MYOM2: variants seen among roughly 807,000 people sequenced by gnomAD.
MYOM2 encodes myomesin-2.
In MYOM2, 254 loss-of-function variants were observed where a neutral mutation model predicts 187.6. The ratio of observed to expected loss-of-function variants is 1.35; its 90% CI spans 1.22 to 1.50. The LOEUF is 1.50. MYOM2 is among the 40% of genes most tolerant of loss of function. The probability of loss-of-function intolerance (pLI) is 0.00; values close to 1 mark genes in which losing one functional copy is unlikely to be tolerated. For missense variants in MYOM2, 2,796 were observed against 1,924.0 expected (o/e 1.45, Z -8.48); for synonymous variants, 981 against 753.8 (o/e 1.30, Z -4.94).
intron 16 of MYOM2, among the ~76,000 whole-genome samples, chr8:2,093,276 C>T (rs1490077175): frequency 6.6e-6 from 1 of 152,150 alleles, no homozygotes; most frequent in Non-Finnish European, 1.5e-5. Flanking sequence ...ACAGCAAATG[C>T]AGAAAGATCG....
chr8:2,133,878 C>G (rs1026322930), intron 32 of MYOM2, among the ~76,000 whole-genome samples: 1 of 151,806 alleles, frequency 6.6e-6, no homozygotes, highest in Non-Finnish European at 1.5e-5. Flanking sequence ...AAATCGTTCA[C>G]TGTGAAATAA....
chr8:2,138,401 G>T (rs1015830210), intron 32 of MYOM2, among the ~76,000 whole-genome samples: 2 of 152,294 alleles, frequency 1.3e-5, no homozygotes, highest in East Asian at 1.9e-4. Flanking sequence ...GTCAGCCTTC[G>T]TGAGGCTCCC....
At chr8:2,061,771 T>G (rs1014224217) in intron 6 of MYOM2, among the ~76,000 whole-genome samples, 2 of 152,252 alleles carry the variant, frequency 1.3e-5, no homozygotes, top group Non-Finnish European at 2.9e-5. Context: ...TTTCTCCAGA[T>G]AAATCCGGGT....
intron 6 of MYOM2, among the ~76,000 whole-genome samples, chr8:2,067,055 A>C (rs1407054684): frequency 6.6e-6 from 1 of 152,158 alleles, no homozygotes; most frequent in Non-Finnish European, 1.5e-5. Context: ...GTTTTATCTG[A>C]CATATTGAAA....
chr8:2,064,904 A>C (rs1818966829), intron 6 of MYOM2, among the ~76,000 whole-genome samples: 1 of 152,180 alleles, frequency 6.6e-6, no homozygotes, highest in African/African-American at 2.4e-5. Flanking sequence ...ACAGCAATTC[A>C]TTGCAGTTCT....
rs764500613 is a variant in MYOM2, at chr8:2,090,025, C to T, written c.1662C>T (p.Gly554=). 1.2e-6 allele frequency: 2 copies of T among 1,613,766 alleles called. No homozygotes were observed. The highest frequency in any genetic ancestry group is 1.3e-5 in the African/African-American group (1 of 75,012). ...YFIEKSVVGS[G]SWQRVNAQTA... Reference sequence around the variant, plus strand: ...CTTTGTAGTCCGTGGTGGGGAGCGGCAGCTGGCAGAGAGTCAACGCCCAGA... The same window carrying T: ...CTTTGTAGTCCGTGGTGGGGAGCGGTAGCTGGCAGAGAGTCAACGCCCAGA... The change falls in exon 15 of 37, where the codon GGC becomes GGT. Residue 554 remains glycine (G), a synonymous_variant. Coordinates refer to ENST00000262113, the MANE Select transcript of MYOM2 (RefSeq NM_003970.4).
In MYOM2 at chr8:2,106,347, A is replaced by G. The variant is rs1796890420; in HGVS notation, c.2840A>G (p.Tyr947Cys). 1 of 1,614,196 alleles carries G rather than the reference A, an allele frequency of 6.2e-7. No individual in the cohort carries two copies. The highest frequency in any genetic ancestry group is 1.1e-5 in the South Asian group (1 of 91,084). ...DASQFTWCKS[Y>C]EEISDDERFK... ...TCTCAGTTCACCTGGTGTAAATCCT[A>G]CGAGGAGATTTCAGATGATGAGAGG... The change falls in exon 22 of 37, where the codon TAC becomes TGC. Residue 947 changes from tyrosine (Y) to cysteine (C), a missense_variant. Tyr to Cys is a radical substitution (Grantham distance 194, BLOSUM62 -2). Coordinates refer to ENST00000262113, the MANE Select transcript of MYOM2 (RefSeq NM_003970.4).
chr8:2,086,404 C>T (rs1486449072), intron 14 of MYOM2, among the ~76,000 whole-genome samples: 11 of 128,180 alleles, frequency 8.6e-5, no homozygotes, highest in Non-Finnish European at 1.1e-4. Context: ...GTTGTGATCT[C>T]TGCGTGGCCT....
chr8:2,134,417 A>G (rs1180135477), intron 32 of MYOM2, among the ~76,000 whole-genome samples: 1 of 152,198 alleles, frequency 6.6e-6, no homozygotes, highest in African/African-American at 2.4e-5. Context: ...GGGTTAAGGC[A>G]ATGTCTGCCC....
intron 25 of MYOM2, among the ~76,000 whole-genome samples, chr8:2,111,668 C>A (rs1037099873): frequency 6.6e-6 from 1 of 152,210 alleles, no homozygotes; most frequent in African/African-American, 2.4e-5. Flanking sequence ...GGTCCCTCTC[C>A]TGCTCATGGT....
At position 2,066,602 on chromosome 8, in the gene MYOM2, G is replaced by T. The variant is rs536692681; in HGVS notation, c.654-2676G>T. Among the ~76,000 whole-genome samples, 4 of 152,300 alleles carry T rather than the reference G, an allele frequency of 2.6e-5. No individual in the cohort carries two copies. In the South Asian group the frequency reaches 8.3e-4, roughly 32 times the overall value. ...AAACAAACAAACAAAATGCAGCAAT[G>T]CCCACGGGTCCTGCAGAGAAGCACC... On this transcript the variant is annotated intron_variant, in intron 6 of 36. Transcript: ENST00000262113.
Position 2,069,482 on chromosome 8 carries a change from G to A in MYOM2, c.778G>A (p.Gly260Arg). 1 of 1,614,170 alleles carries A rather than the reference G, an allele frequency of 6.2e-7. No homozygotes were observed. The highest frequency in any genetic ancestry group is 8.5e-7 in the Non-Finnish European group (1 of 1,180,030). Residue 260 changes from glycine to arginine, a missense_variant, in exon 8 of 37, where the codon GGA becomes AGA. Coordinates refer to ENST00000262113, the MANE Select transcript of MYOM2 (RefSeq NM_003970.4). ...AGACGAGGAACCATTCCGTTCGGTG[G>A]GACTCCCGATTGGATGTAAGTGGGT... is the stretch of plus-strand genomic sequence containing the variant. ...RGDEEPFRSV[G>R]LPIGLPLSSM...
intron 3 of MYOM2, among the ~76,000 whole-genome samples, chr8:2,053,378 A>G (rs974046100): frequency 2.0e-5 from 3 of 152,218 alleles, no homozygotes; most frequent in East Asian, 3.8e-4. Context: ...CACAATCCAG[A>G]TTTTTATGTA....
chr8:2,065,769 G>T (rs1818998949), intron 6 of MYOM2, among the ~76,000 whole-genome samples: 1 of 152,206 alleles, frequency 6.6e-6, no homozygotes, highest in South Asian at 2.1e-4. Flanking sequence ...GAGGTAGTAG[G>T]AGAAGCTCTG....
chr8:2,070,658 CTG>C (rs1819182949), intron 8 of MYOM2, among the ~76,000 whole-genome samples: 1 of 152,226 alleles, frequency 6.6e-6, no homozygotes, highest in African/African-American at 2.4e-5. Flanking sequence ...TCATTAAGAA[CTG>C]TGGCGCAGTT....
intron 28 of MYOM2, 38 bp downstream of exon 28, chr8:2,117,990 CATTCTGGT>C (rs1563067566): frequency 6.3e-7 from 1 of 1,582,092 alleles, no homozygotes; most frequent in Non-Finnish European, 8.7e-7. Context: ...CAATAAATCT[CATTCTGGT>C]TCCTATCAGA....
At position 2,096,381 on chromosome 8, in the gene MYOM2, C is replaced by T. The variant is rs768082102; in HGVS notation, c.2260C>T (p.His754Tyr). 54 of 1,614,096 alleles carry T rather than the reference C, an allele frequency of 3.3e-5. No homozygotes were observed. Among genetic ancestry groups the T allele is most frequent in the Non-Finnish European group, 4.2e-5 (49 of 1,180,056 alleles). ...GYYLDKREVH[H>Y]KNWHEVNSSP... is the part of the protein sequence containing the mutation. ...CTACCTGGACAAGCGTGAAGTTCAC[C>T]ATAAAAACTGGCACGAGGTCAATTC... Residue 754 changes from histidine to tyrosine, a missense_variant, in exon 18 of 37, where the codon CAT (histidine) becomes TAT (tyrosine). Transcript: ENST00000262113.
chr8:2,143,452 G>A lies in MYOM2; in HGVS notation c.4076G>A (p.Gly1359Glu). Residue 1359 changes from glycine to glutamate, a missense_variant, in exon 36 of 37, where the codon GGG (glycine) becomes GAG (glutamate). Physicochemically the swap from Gly to Glu is moderately conservative, Grantham distance 98 (BLOSUM62 -2). Transcript: ENST00000262113. ...CCTGACGTGGTGACCATCATGGAAG[G>A]GAAGGTGAGGATTCTAAACTCGGCC... is the stretch of plus-strand genomic sequence containing the variant. ...GLPDVVTIME[G>E]KTLNLTCTVF... 4 of 1,614,126 alleles carry A rather than the reference G, an allele frequency of 2.5e-6. No individual in the cohort carries two copies. Among genetic ancestry groups the A allele is most frequent in the Non-Finnish European group, 2.5e-6 (3 of 1,180,030 alleles).
chr8:2,052,075 TAG>T (rs1818509165), intron 2 of MYOM2, 81 bp from the exon 3 acceptor site: 1 of 1,568,478 alleles, frequency 6.4e-7, no homozygotes, highest in Admixed American at 1.8e-5. Flanking sequence ...TTGGGGTGTG[TAG>T]AGAGAAAGTG....
Sources: allele counts gnomAD v4.1 joint callset (sites outside exome capture counted in the v4.1 genomes callset), GRCh38; gene constraint gnomAD v4.1.1; transcripts MANE v1.5; gene names NCBI Gene and HGNC (gene_info 2026-07-23, HGNC 2026-07-21).